NUGGC: variants seen among roughly 807,000 people sequenced by gnomAD.
The protein encoded by NUGGC is nuclear GTPase, germinal center associated, also known as nuclear GTPase SLIP-GC.
In NUGGC, 58 loss-of-function variants were observed where a neutral mutation model predicts 92.6. That is an observed-to-expected ratio of 0.63 (90% CI 0.51 to 0.78). The LOEUF (loss-of-function observed/expected upper bound fraction) is 0.78, where lower values mean the gene tolerates loss of function less well. Among genes scored for constraint, NUGGC ranks in the 30% least tolerant of loss-of-function variants. NUGGC has a pLI of 0.00. For synonymous variants in NUGGC, 376 were observed against 366.4 expected (o/e 1.03, Z -0.30); for missense variants, 925 against 964.6 (o/e 0.96, Z 0.54).
intron 10 of NUGGC, among the ~76,000 whole-genome samples, chr8:28,054,207 C>T (rs960769411): frequency 1.3e-5 from 2 of 152,156 alleles, no homozygotes; most frequent in Non-Finnish European, 1.5e-5. Context: ...ATAGGCCAGA[C>T]GTGGTGGCTC....
At chr8:28,039,368 G>T (rs184576466) in intron 13 of NUGGC, among the ~76,000 whole-genome samples, 1 of 151,834 alleles carries the variant, frequency 6.6e-6, no homozygotes, top group Non-Finnish European at 1.5e-5. Flanking sequence ...CAGTAGCTGC[G>T]ATTACAGGTG....
chr8:28,043,153 A>G (rs888539603), intron 12 of NUGGC, among the ~76,000 whole-genome samples: 3 of 152,268 alleles, frequency 2.0e-5, no homozygotes, highest in Non-Finnish European at 4.4e-5. Context: ...AGCTATGGGC[A>G]TGATTCTCAC....
At chr8:28,076,134 C>A (rs1409606721) in intron 1 of NUGGC, among the ~76,000 whole-genome samples, 1 of 152,212 alleles carries the variant, frequency 6.6e-6, no homozygotes, top group East Asian at 1.9e-4. Flanking sequence ...CCTGGTTGAA[C>A]CACTCGAGGT....
rs368984861 is a variant in NUGGC, at chr8:28,029,813, AAAC to A, written c.2018-414_2018-412del. On this transcript the variant is annotated intron_variant, in intron 16 of 18. Coordinates refer to ENST00000413272, the MANE Select transcript of NUGGC (RefSeq NM_001010906.2). ...AGAAAAGCAAGCCAAGCAAACAAAC[AAAC>A]AACAACAACAAATATATATATACTT... Among the ~76,000 whole-genome samples, 40 of 152,228 alleles carry A rather than the reference AAAC, an allele frequency of 2.6e-4. 1 individual carries two copies. Among genetic ancestry groups the A allele is most frequent in the African/African-American group, 7.7e-4 (32 of 41,550 alleles).
intron 10 of NUGGC, among the ~76,000 whole-genome samples, chr8:28,049,915 G>A (rs567992809): frequency 4.6e-5 from 7 of 152,104 alleles, no homozygotes; most frequent in South Asian, 2.1e-4. Flanking sequence ...GTGAAACCCC[G>A]TCTCTACTAA....
At position 28,082,369 on chromosome 8, in the gene NUGGC, C is replaced by G. The variant is rs528253730; in HGVS notation, c.-47+1406G>C. Among the ~76,000 whole-genome samples the G allele has an allele frequency of 3.9e-5, 6 of 152,226 alleles. No homozygotes were observed. In the East Asian group the frequency reaches 1.2e-3, roughly 29 times the overall value. On this transcript the variant is annotated intron_variant, in intron 1 of 18. Coordinates refer to ENST00000413272, the MANE Select transcript of NUGGC (RefSeq NM_001010906.2). ...CATAACGTACTTTAGCAGATTCTAG[C>G]GAAACGAATTTGAATCTTCTCATAT... is the stretch of plus-strand genomic sequence containing the variant.
At chr8:28,056,337 G>T (rs894658744) in intron 9 of NUGGC, among the ~76,000 whole-genome samples, 2 of 151,912 alleles carry the variant, frequency 1.3e-5, no homozygotes, top group Non-Finnish European at 2.9e-5. Flanking sequence ...AATTAGCTAG[G>T]CGTGGCGGCA....
intron 16 of NUGGC, among the ~76,000 whole-genome samples, chr8:28,030,002 A>C (rs538477987): frequency 8.3e-4 from 126 of 152,316 alleles, no homozygotes; most frequent in Non-Finnish European, 1.3e-3. Context: ...GAGTGAGTTC[A>C]AGTATTTGTG....
chr8:28,039,045 G>A (rs747469945), intron 13 of NUGGC, among the ~76,000 whole-genome samples: 24 of 152,132 alleles, frequency 1.6e-4, no homozygotes, highest in Non-Finnish European at 2.4e-4. Flanking sequence ...ACGCCCAACC[G>A]CATGGAAGAC....
At chr8:28,059,836 A>G (rs1810247718) in intron 8 of NUGGC, among the ~76,000 whole-genome samples, 1 of 152,154 alleles carries the variant, frequency 6.6e-6, no homozygotes, top group African/African-American at 2.4e-5. Flanking sequence ...ACCCCGGCCA[A>G]CATGGCGAAA....
intron 15 of NUGGC, 133 bp downstream of exon 15, chr8:28,031,110 G>A (rs1809406437): frequency 5.1e-6 from 5 of 980,528 alleles, no homozygotes; most frequent in Non-Finnish European, 7.8e-6. Context: ...GTATTTCACA[G>A]CGCCTCCTAG....
intron 10 of NUGGC, among the ~76,000 whole-genome samples, chr8:28,048,870 A>T (rs1809914533): frequency 2.6e-5 from 4 of 151,914 alleles, no homozygotes; most frequent in African/African-American, 2.4e-5. Flanking sequence ...CAAAAAAAAA[A>T]AAAAAAAAAA....
intron 15 of NUGGC, among the ~76,000 whole-genome samples, 170 bp from the exon 16 acceptor site, chr8:28,030,588 G>C (rs1454876618): frequency 6.6e-6 from 1 of 152,200 alleles, no homozygotes; most frequent in African/African-American, 2.4e-5. Flanking sequence ...CAGGAACTCT[G>C]TTCTAAGCAT....
rs1810124607 is a variant in NUGGC, at chr8:28,056,011, T to G, written c.1160A>C (p.Glu387Ala). 6.4e-7 allele frequency: 1 copy of G among 1,566,292 alleles called. No individual in the cohort carries two copies. Among genetic ancestry groups the G allele is most frequent in the Non-Finnish European group, 8.7e-7 (1 of 1,152,690 alleles). The change falls in exon 10 of 19, where the codon GAA (glutamate) becomes GCA (alanine). Residue 387 changes from glutamate to alanine, a missense_variant. Coordinates refer to ENST00000413272, the MANE Select transcript of NUGGC (RefSeq NM_001010906.2). ...SQREAVLERN[E>A]MIKLQRTRIL... ...TCTAGTCCTTTGTAGTTTTATCATT[T>G]CATTTCTTTCTAAAACAGCCTCTCG...
rs9694130 is a variant in NUGGC, at chr8:28,064,343, C to T, written c.921+179G>A. Among the ~76,000 whole-genome samples, 745 of 152,314 alleles carry T rather than the reference C, an allele frequency of 4.9e-3. 4 individuals are homozygous for T. The highest frequency in any genetic ancestry group is 0.017 in the African/African-American group (700 of 41,564). On this transcript the variant is annotated intron_variant, in intron 7 of 18. Transcript: ENST00000413272. The stretch of plus-strand genomic sequence containing the variant: ...GTCACATCCTGTGATTCCTCCCTCC[C>T]CACTTTCTCTGGCTACCCACACCCT...
Position 28,023,337 on chromosome 8 carries a change from G to A in NUGGC, c.2371C>T (p.Pro791Ser), listed in dbSNP as rs201330243. ...LLRASPSKAG[P>S]PGTSL Reference sequence around the variant, plus strand: ...AGGAGTTACAGTGATGTCCCGGGGGGGCCAGCCTTGCTGGGGGATGCCCTT... The same window carrying A: ...AGGAGTTACAGTGATGTCCCGGGGGAGCCAGCCTTGCTGGGGGATGCCCTT... Residue 791 changes from proline to serine, a missense_variant, in exon 19 of 19, where the codon CCC becomes TCC. By Grantham distance (74) the Pro-to-Ser change is moderately conservative. Transcript: ENST00000413272. 3.7e-6 allele frequency: 6 copies of A among 1,613,576 alleles called. No individual in the cohort carries two copies.
intron 12 of NUGGC, among the ~76,000 whole-genome samples, chr8:28,045,184 A>G (rs1474184924): frequency 6.6e-6 from 1 of 152,208 alleles, no homozygotes; most frequent in African/African-American, 2.4e-5. Context: ...CTCCAGGGTA[A>G]CCAAGAAGTG....
At chr8:28,033,351 A>G (rs1238215308) in intron 14 of NUGGC, among the ~76,000 whole-genome samples, 189 bp downstream of exon 14, 1 of 152,234 alleles carries the variant, frequency 6.6e-6, no homozygotes, top group Non-Finnish European at 1.5e-5. Flanking sequence ...GTCTGTGTCC[A>G]GGTCATCATG....
Position 28,064,663 on chromosome 8 carries a change from G to T in NUGGC, c.780C>A (p.Ala260=), listed in dbSNP as rs751273733. Residue 260 remains alanine (A), a synonymous_variant, in exon 7 of 19, where the codon GCC becomes GCA. Coordinates refer to ENST00000413272, the MANE Select transcript of NUGGC (RefSeq NM_001010906.2). ...TCAAGGGCCAGATGCGCATCTCAGC[G>T]GCCTCTCCATCCCAATCTCTCCTCT... ...RTQRRDWDGE[A]AEMRIWPLIK... The T allele has an allele frequency of 6.2e-7, 1 of 1,613,848 alleles. No individual in the cohort carries two copies. The highest frequency in any genetic ancestry group is 1.3e-5 in the African/African-American group (1 of 74,900).
Sources: gnomAD v4.1 joint callset for allele counts (sites outside exome capture counted in the v4.1 genomes callset) on GRCh38, gnomAD v4.1.1 for gene constraint, MANE v1.5 for transcripts, NCBI Gene and HGNC (gene_info 2026-07-23, HGNC 2026-07-21) for gene names.